Variants in GATA4 observed in about 807,000 individuals in gnomAD.
GATA4 encodes the protein GATA binding protein 4, also known as transcription factor GATA-4.
Under a neutral mutation model 37.9 loss-of-function variants are expected in GATA4, and 7 were observed. The ratio of observed to expected loss-of-function variants is 0.18; its 90% CI spans 0.11 to 0.35. The LOEUF (loss-of-function observed/expected upper bound fraction) is 0.35, where lower values mean the gene tolerates loss of function less well. Ranked by LOEUF, GATA4 falls within the 10% of genes least tolerant of loss-of-function variation. The pLI is 1.00. For missense variants in GATA4, 647 were observed against 653.0 expected (o/e 0.99, Z 0.10); for synonymous variants, 372 against 292.6 (o/e 1.27, Z -2.77).
chr8:11,723,157 A>G (rs1346378800), intron 2 of GATA4, among the ~76,000 whole-genome samples: 1 of 152,072 alleles, frequency 6.6e-6, no homozygotes, highest in Non-Finnish European at 1.5e-5. Context: ...AGCCAGCATG[A>G]GCAACATAGT....
intron 2 of GATA4, among the ~76,000 whole-genome samples, chr8:11,742,661 G>A (rs1344476621): frequency 6.6e-6 from 1 of 152,228 alleles, no homozygotes; most frequent in Non-Finnish European, 1.5e-5. Flanking sequence ...AGCTGTGTGG[G>A]CCTCCCCGTG....
chr8:11,692,413 T>C, upstream of GATA4: 1 of 733,534 alleles, frequency 1.4e-6, no homozygotes, highest in Non-Finnish European at 1.7e-6. Flanking sequence ...CGTTGATTTC[T>C]CTACCTATCT....
chr8:11,706,721 C>A (rs2130056374), intron 1 of GATA4, among the ~76,000 whole-genome samples: 1 of 152,248 alleles, frequency 6.6e-6, no homozygotes, highest in African/African-American at 2.4e-5. Flanking sequence ...GTGTGGTGGA[C>A]AGCTTCAAGC....
upstream of GATA4, chr8:11,692,039 C>T: frequency 1.0e-6 from 1 of 985,368 alleles, no homozygotes; most frequent in Non-Finnish European, 1.2e-6. Flanking sequence ...TGATCCTCAC[C>T]TTAGTGTCAC....
At chr8:11,721,016 C>G (rs1222507539) in intron 2 of GATA4, among the ~76,000 whole-genome samples, 3 of 152,108 alleles carry the variant, frequency 2.0e-5, no homozygotes, top group African/African-American at 7.2e-5. Flanking sequence ...CCCTGTGAGC[C>G]TGGCGCTGGT....
chr8:11,724,129 A>G (rs1800806176), intron 2 of GATA4, among the ~76,000 whole-genome samples: 1 of 152,132 alleles, frequency 6.6e-6, no homozygotes, highest in Non-Finnish European at 1.5e-5. Flanking sequence ...GTAGCATGTC[A>G]GAATGCAGCA....
chr8:11,694,090 G>C (rs963546235), intron 1 of GATA4, among the ~76,000 whole-genome samples: 1 of 152,170 alleles, frequency 6.6e-6, no homozygotes, highest in Non-Finnish European at 1.5e-5. Flanking sequence ...TCCTGCTCGT[G>C]TCTGCCAGCG....
At chr8:11,697,178 C>A (rs1417233119) in intron 1 of GATA4, among the ~76,000 whole-genome samples, 2 of 152,242 alleles carry the variant, frequency 1.3e-5, no homozygotes, top group Non-Finnish European at 2.9e-5. Flanking sequence ...TTCATTAGCA[C>A]CTCTGCTGCA....
chr8:11,692,123 C>T (rs1036632156), upstream of GATA4: 258 of 827,814 alleles, frequency 3.1e-4, 1 homozygote, highest in Non-Finnish European at 3.6e-4. Flanking sequence ...CTCGGGCCAC[C>T]TGTTCTCCAG....
In GATA4 at chr8:11,750,131, C is replaced by T; in HGVS notation, c.807C>T (p.Gly269=). 6.2e-7 allele frequency: 1 copy of T among 1,614,096 alleles called. No individual in the cohort carries two copies. The highest frequency in any genetic ancestry group is 8.5e-7 in the Non-Finnish European group (1 of 1,180,050). The change falls in exon 4 of 7, where the codon GGC becomes GGT. Residue 269 remains glycine (G), a synonymous_variant. Coordinates refer to ENST00000532059, the MANE Select transcript of GATA4 (RefSeq NM_001308093.3). The stretch of plus-strand genomic sequence containing the variant: ...TGCAGTCCGCCTCCCGCCGAGTGGG[C>T]CTCTCCTGTGCCAACTGCCAGACCA... ...QRRLSASRRV[G]LSCANCQTTT...
At chr8:11,717,272 A>G (rs189762663) in intron 2 of GATA4, among the ~76,000 whole-genome samples, 39 of 152,352 alleles carry the variant, frequency 2.6e-4, no homozygotes, top group Admixed American at 2.5e-3. Flanking sequence ...TACAAAATAC[A>G]TTTATAAGTT....
upstream of GATA4, among the ~76,000 whole-genome samples, chr8:11,689,788 G>A (rs576736783): frequency 3.9e-5 from 6 of 152,182 alleles, no homozygotes; most frequent in African/African-American, 1.2e-4. Flanking sequence ...GGCTCTGCCC[G>A]AGAGCCCAGG....
chr8:11,753,492 A>G (rs1802401725), intron 4 of GATA4, among the ~76,000 whole-genome samples: 1 of 109,958 alleles, frequency 9.1e-6, no homozygotes, highest in East Asian at 3.0e-4. Context: ...ATTTTACTGC[A>G]ACTGAAAAAA....
chr8:11,730,946 A>T (rs1352880905), intron 2 of GATA4, among the ~76,000 whole-genome samples: 1 of 152,204 alleles, frequency 6.6e-6, no homozygotes, highest in Non-Finnish European at 1.5e-5. Flanking sequence ...CCCAGTGCCC[A>T]CTGAGGTGCA....
chr8:11,745,411 C>CAAAAAAA (rs3030049), intron 2 of GATA4, among the ~76,000 whole-genome samples: 7 of 104,034 alleles, frequency 6.7e-5, no homozygotes, highest in African/African-American at 2.3e-4. Flanking sequence ...TTGTCTCTAC[C>CAAAAAAA]AAAAAAAAAA....
chr8:11,709,532 C>T lies in GATA4; in HGVS notation c.616+604C>T, dbSNP rs763921445. Among the ~76,000 whole-genome samples, 1 of 128,382 alleles carries T rather than the reference C, an allele frequency of 7.8e-6. No homozygotes were observed. The highest frequency in any genetic ancestry group is 2.7e-5 in the African/African-American group (1 of 36,770). The allele number at this position is 128,382 out of a possible 152,430, so 84.2% of individuals were successfully genotyped here. On this transcript the variant is annotated intron_variant, in intron 2 of 6. Transcript: ENST00000532059. This position sits in a 1 kb window ranked among gnomAD's most constrained non-coding sequence, Gnocchi z 4.3. ...GCGCGGAACAGGAGCCGGCACTGTG[C>T]GGGTGCCACCCGGCCGAGCGCGTGG...
rs944092823 is a variant in GATA4, at chr8:11,752,369, G to A, written c.912+2133G>A. 5.3e-5 allele frequency among the ~76,000 whole-genome samples: 8 copies of A among 152,312 alleles called. No homozygotes were observed. The East Asian group carries it at 1.4e-3, about 26-fold the overall frequency. On this transcript the variant is annotated intron_variant, in intron 4 of 6. Transcript: ENST00000532059. ...TGGACTCACAGTTCCACATCGCTGG[G>A]GAGGCCTCACAATCATGGCGGAAGG...
At chr8:11,728,440 C>G (rs1327834328) in intron 2 of GATA4, among the ~76,000 whole-genome samples, 1 of 152,170 alleles carries the variant, frequency 6.6e-6, no homozygotes, top group Non-Finnish European at 1.5e-5. Context: ...GTGATCATAG[C>G]TCACTGCAGC....
At chr8:11,753,504 A>AAC (rs1341095832) in intron 4 of GATA4, among the ~76,000 whole-genome samples, 2 of 151,638 alleles carry the variant, frequency 1.3e-5, no homozygotes, top group African/African-American at 4.9e-5. Flanking sequence ...CTGAAAAAAA[A>AAC]AAAGCATACC....
Sources: allele counts gnomAD v4.1 joint callset (sites outside exome capture counted in the v4.1 genomes callset), GRCh38; gene constraint gnomAD v4.1.1; non-coding constraint Gnocchi (gnomAD v3.1); transcripts MANE v1.5; gene names NCBI Gene and HGNC (gene_info 2026-07-23, HGNC 2026-07-21).